The following NCEH1 variants were observed in gnomAD, a reference collection of about 807,000 sequenced individuals.
NCEH1 encodes 2-acetyl MAGE hydrolase.
A neutral mutation model predicts 25.4 loss-of-function variants in NCEH1; 9 were observed. That is an observed-to-expected ratio of 0.35 (90% CI 0.21 to 0.62). The LOEUF (loss-of-function observed/expected upper bound fraction) is 0.62, where lower values mean the gene tolerates loss of function less well. NCEH1 is among the 20% of genes least tolerant of loss of function. NCEH1 has a pLI of 0.72. For synonymous variants in NCEH1, 200 were observed against 199.8 expected (o/e 1.00, Z -0.01); for missense variants, 412 against 501.1 (o/e 0.82, Z 1.70).
At chr3:172,667,411 G>A (rs1284532393) in intron 1 of NCEH1, among the ~76,000 whole-genome samples, 5 of 152,242 alleles carry the variant, frequency 3.3e-5, no homozygotes, top group African/African-American at 1.2e-4. Context: ...TCTCTCTGGA[G>A]ATACGTTTTT....
At chr3:172,664,825 C>A (rs1449982161) in intron 1 of NCEH1, among the ~76,000 whole-genome samples, 2 of 152,080 alleles carry the variant, frequency 1.3e-5, no homozygotes, top group Non-Finnish European at 2.9e-5. Context: ...TTTAAGGTCT[C>A]CTCTATGCTG....
Position 172,710,911 on chromosome 3 carries a change from C to T in NCEH1, c.74G>A (p.Gly25Asp), listed in dbSNP as rs1321840100. 6.2e-7 allele frequency: 1 copy of T among 1,614,078 alleles called. No individual in the cohort carries two copies. The highest frequency in any genetic ancestry group is 1.7e-5 in the Admixed American group (1 of 60,034). Residue 25 changes from glycine (G) to aspartate (D), a missense_variant, in exon 1 of 5, where the codon GGC becomes GAC. Coordinates refer to ENST00000475381, the MANE Select transcript of NCEH1 (RefSeq NM_020792.6). The stretch of plus-strand genomic sequence containing the variant: ...CAGCTTCCAGGGGTCGGACACGGAG[C>T]CAGGCAGCGGGATGTAGACGTAATA... The part of the protein sequence containing the change: ...AAYYVYIPLP[G>D]SVSDPWKLML...
At position 172,630,463 on chromosome 3, in the gene NCEH1, G is replaced by A. The variant is rs185117270; in HGVS notation, c.*3012C>T. ...AGTCCAAAGGAGGGCAACACATACTGTATCCAGACATGAAACAAATGTCAT... is the reference window on the plus strand; with the variant it reads ...AGTCCAAAGGAGGGCAACACATACTATATCCAGACATGAAACAAATGTCAT... On this transcript the variant is annotated 3_prime_UTR_variant, in exon 5 of 5. Transcript: ENST00000475381. The A allele has an allele frequency of 9.2e-5, 14 of 152,342 alleles. No homozygotes were observed. The East Asian group carries it at 2.7e-3, about 29-fold the overall frequency. The allele number at this position is 152,342 out of a possible 1,614,324, so 9.4% of individuals were successfully genotyped here. A position where few individuals can be genotyped will look rare whatever the true frequency, so the allele number is the denominator to read the frequency against.
Position 172,706,138 on chromosome 3 carries a change from T to C in NCEH1, c.138+4709A>G, listed in dbSNP as rs557189727. 5.7e-3 allele frequency among the ~76,000 whole-genome samples: 864 copies of C among 152,002 alleles called. 4 individuals are homozygous for C. The highest frequency in any genetic ancestry group is 8.8e-3 in the Admixed American group (134 of 15,258). On this transcript the variant is annotated intron_variant, in intron 1 of 4. Transcript: ENST00000475381. ...TTGGCACAACAGTCTCCCAAAGTGCTGGGGTTACAGGCATGAGCTACCATG... is the reference window on the plus strand; with the variant it reads ...TTGGCACAACAGTCTCCCAAAGTGCCGGGGTTACAGGCATGAGCTACCATG...
rs1316137715 is a variant in NCEH1 at position 172,633,755 on chromosome 3, A to C, written c.947T>G (p.Leu316Arg). The C allele has an allele frequency of 6.2e-7, 1 of 1,614,112 alleles. No individual in the cohort carries two copies. Among genetic ancestry groups the C allele is most frequent in the Non-Finnish European group, 8.5e-7 (1 of 1,180,042 alleles). ...TTGNARIVQE[L>R]PQLLDARSAP... ...GGAGCGGGCATCCAGCAACTGAGGA[A>C]GCTCCTGGACAATCCTGGCATTGCC... is the stretch of plus-strand genomic sequence containing the variant. Residue 316 changes from leucine (L) to arginine (R), a missense_variant, in exon 5 of 5, where the codon CTT becomes CGT. By Grantham distance (102) the Leu-to-Arg change is moderately radical. This residue lies in a region of NCEH1 where 210 missense variants were observed against 258.2 expected (regional missense o/e 0.81). Coordinates refer to ENST00000475381, the MANE Select transcript of NCEH1 (RefSeq NM_020792.6).
At chr3:172,683,774 T>C (rs906747211) in intron 1 of NCEH1, among the ~76,000 whole-genome samples, 1 of 152,244 alleles carries the variant, frequency 6.6e-6, no homozygotes, top group African/African-American at 2.4e-5. Flanking sequence ...GGCTGGCATA[T>C]AGCAGTTAAG....
rs746907470 is a variant in NCEH1, at chr3:172,645,608, G to C, written c.437+15C>G. ...TTATAAGAAAAATTTTCTATGACTA[G>C]CATTAATTACTTACTCAATGGAAAC... On this transcript the variant is annotated intron_variant, in intron 3 of 4. Transcript: ENST00000475381. 25 of 1,541,744 alleles carry C rather than the reference G, an allele frequency of 1.6e-5. No individual in the cohort carries two copies. The highest frequency in any genetic ancestry group is 2.2e-5 in the Non-Finnish European group (25 of 1,122,224).
chr3:172,690,995 G>T (rs1031817861), intron 1 of NCEH1, among the ~76,000 whole-genome samples: 2 of 150,628 alleles, frequency 1.3e-5, no homozygotes, highest in Non-Finnish European at 2.9e-5. Context: ...CAGGGATTAT[G>T]TAACTTAAAC....
intron 1 of NCEH1, among the ~76,000 whole-genome samples, chr3:172,661,853 C>T (rs1717988742): frequency 6.6e-6 from 1 of 152,144 alleles, no homozygotes; most frequent in Non-Finnish European, 1.5e-5. Flanking sequence ...ATTTGCTTAT[C>T]AGCTTAAGGA....
intron 1 of NCEH1, among the ~76,000 whole-genome samples, chr3:172,692,788 T>C (rs142610294): frequency 6.8e-4 from 104 of 152,348 alleles, no homozygotes; most frequent in African/African-American, 2.4e-3. Flanking sequence ...TAAAGCAGTG[T>C]AATAGATCTA....
At chr3:172,634,957 C>G (rs1367561245) in intron 4 of NCEH1, among the ~76,000 whole-genome samples, 1 of 152,116 alleles carries the variant, frequency 6.6e-6, no homozygotes, top group Non-Finnish European at 1.5e-5. Context: ...TGAATATGTG[C>G]CAAAAATTGT....
At chr3:172,702,576 T>C (rs764808340) in intron 1 of NCEH1, among the ~76,000 whole-genome samples, 2 of 152,216 alleles carry the variant, frequency 1.3e-5, no homozygotes, top group Non-Finnish European at 2.9e-5. Context: ...ATATTTAATA[T>C]GTGATGACGT....
intron 1 of NCEH1, among the ~76,000 whole-genome samples, chr3:172,649,304 T>C (rs999230611): frequency 6.6e-6 from 1 of 152,172 alleles, no homozygotes; most frequent in Admixed American, 6.5e-5. Flanking sequence ...GAAAGCACTA[T>C]ATTATAACAG....
At chr3:172,650,808 C>T (rs1368038479) in intron 1 of NCEH1, among the ~76,000 whole-genome samples, 6 of 91,510 alleles carry the variant, frequency 6.6e-5, no homozygotes, top group African/African-American at 2.8e-4. Context: ...CGAGACTCTG[C>T]CTCGAAAAAA....
intron 1 of NCEH1, among the ~76,000 whole-genome samples, chr3:172,700,751 G>A (rs1394302773): frequency 6.6e-6 from 1 of 152,052 alleles, no homozygotes; most frequent in Non-Finnish European, 1.5e-5. Context: ...GATTACATGT[G>A]TGAGCCACCG....
chr3:172,673,276 AGGAAATAATT>A (rs1216017206), intron 1 of NCEH1, among the ~76,000 whole-genome samples: 2 of 152,190 alleles, frequency 1.3e-5, no homozygotes, highest in Non-Finnish European at 2.9e-5. Flanking sequence ...AGTTAACCCT[AGGAAATAATT>A]TAACTGTTTA....
At chr3:172,671,152 A>G (rs933079489) in intron 1 of NCEH1, among the ~76,000 whole-genome samples, 4 of 152,160 alleles carry the variant, frequency 2.6e-5, no homozygotes, top group South Asian at 2.1e-4. Context: ...TCAATTTCAC[A>G]CTTGTGGTAG....
intron 2 of NCEH1, 85 bp from the exon 3 acceptor site, chr3:172,645,777 T>A: frequency 8.9e-6 from 7 of 783,512 alleles, no homozygotes; most frequent in Non-Finnish European, 1.4e-5. Context: ...TGAATTGTTT[T>A]TAGGCTTGGA....
chr3:172,661,653 A>T (rs1717977986), intron 1 of NCEH1, among the ~76,000 whole-genome samples: 1 of 152,148 alleles, frequency 6.6e-6, no homozygotes, highest in South Asian at 2.1e-4. Flanking sequence ...TTCATTGAGC[A>T]GTGGTTTGTA....
Sources: gnomAD v4.1 joint callset for allele counts (sites outside exome capture counted in the v4.1 genomes callset) on GRCh38, gnomAD v4.1.1 for gene constraint, gnomAD v4.1.1 regional missense constraint, MANE v1.5 for transcripts, NCBI Gene and HGNC (gene_info 2026-07-23, HGNC 2026-07-21) for gene names.